Variants in TDRD10 observed in about 807,000 individuals in gnomAD.
TDRD10 encodes tudor domain containing 10.
In TDRD10, 40 loss-of-function variants were observed where a neutral mutation model predicts 48.0. The ratio of observed to expected loss-of-function variants is 0.83; its 90% CI spans 0.65 to 1.09. The LOEUF (loss-of-function observed/expected upper bound fraction) is 1.09, where lower values mean the gene tolerates loss of function less well. Ranked by LOEUF, TDRD10 falls within the 50% of genes least tolerant of loss-of-function variation. TDRD10 has a pLI of 0.00. For missense variants in TDRD10, 378 were observed against 434.7 expected (o/e 0.87, Z 1.16); for synonymous variants, 162 against 170.4 (o/e 0.95, Z 0.38).
At chr1:154,511,935 A>AGGTT (rs986241699) in intron 4 of TDRD10, among the ~76,000 whole-genome samples, 3 of 152,092 alleles carry the variant, frequency 2.0e-5, no homozygotes, top group African/African-American at 7.2e-5. Flanking sequence ...AGGCTGAGGC[A>AGGTT]CAAGAATCAC....
rs1251047657 is a variant in TDRD10, at chr1:154,536,204, C to T, written c.370-5820C>T. On this transcript the variant is annotated intron_variant, in intron 6 of 12. Coordinates refer to ENST00000368482, the MANE Select transcript of TDRD10 (RefSeq NM_182499.4). ...CAGCCTGGCCAACATGGTGAAACCC[C>T]GTCTCTACTAAAAATACAAAAATTA... is the stretch of plus-strand genomic sequence containing the variant. Among the ~76,000 whole-genome samples the T allele has an allele frequency of 2.6e-5, 4 of 152,146 alleles. No homozygotes were observed. In the East Asian group the frequency reaches 5.8e-4, roughly 22 times the overall value.
rs189019174 is a variant in TDRD10 at position 154,508,594 on chromosome 1, G to A, written c.141+113G>A. The A allele has an allele frequency of 4.7e-4, 351 of 751,182 alleles. No homozygotes were observed. In the African/African-American group the frequency reaches 5.2e-3, roughly 11 times the overall value. 46.5% of individuals were successfully genotyped at this position (751,182 alleles called of 1,614,324 possible). A position where few individuals can be genotyped will look rare whatever the true frequency, so the allele number is the denominator to read the frequency against. On this transcript the variant is annotated intron_variant, in intron 4 of 12. Transcript: ENST00000368482. The stretch of plus-strand genomic sequence containing the variant: ...TTAAAGACGTTTGAGAGCTATGATA[G>A]TGCAGACAGTCACTCGTTGGTGACT...
At chr1:154,526,201 C>G (rs1203550205) in intron 6 of TDRD10, among the ~76,000 whole-genome samples, 1 of 34,116 alleles carries the variant, frequency 2.9e-5, no homozygotes, top group Non-Finnish European at 1.1e-4. Context: ...GAGACTTCAT[C>G]TCAAAAAAAA....
intron 5 of TDRD10, 63 bp downstream of exon 5, chr1:154,520,437 C>A: frequency 7.5e-7 from 1 of 1,337,856 alleles, no homozygotes; most frequent in Non-Finnish European, 1.1e-6. Flanking sequence ...GTCCATTTTG[C>A]TGATGCACTC....
intron 6 of TDRD10, among the ~76,000 whole-genome samples, chr1:154,531,134 C>A (rs941252217): frequency 2.0e-5 from 3 of 152,168 alleles, no homozygotes; most frequent in Admixed American, 6.5e-5. Context: ...AGCCACCACG[C>A]CTGGCCTAAA....
At chr1:154,514,042 T>C (rs1693620664) in intron 4 of TDRD10, among the ~76,000 whole-genome samples, 1 of 152,046 alleles carries the variant, frequency 6.6e-6, no homozygotes, top group Non-Finnish European at 1.5e-5. Context: ...ATACAAAAAT[T>C]AGCCAGACAC....
intron 6 of TDRD10, 198 bp from the exon 7 acceptor site, chr1:154,541,826 C>A (rs902936624): frequency 2.6e-5 from 14 of 531,542 alleles, no homozygotes; most frequent in South Asian, 2.6e-4. Context: ...TGCTTCTGAT[C>A]GTCTTTTCTT....
At chr1:154,531,732 G>C (rs1327540845) in intron 6 of TDRD10, among the ~76,000 whole-genome samples, 1 of 152,088 alleles carries the variant, frequency 6.6e-6, no homozygotes, top group African/African-American at 2.4e-5. Flanking sequence ...CTGCTGGCTC[G>C]GGCAGCCTGC....
At chr1:154,541,481 G>A (rs981021231) in intron 6 of TDRD10, among the ~76,000 whole-genome samples, 4 of 152,100 alleles carry the variant, frequency 2.6e-5, no homozygotes, top group East Asian at 1.9e-4. Flanking sequence ...AGGCCTGGAT[G>A]CAGGGCAGTG....
Position 154,544,068 on chromosome 1 carries a change from C to T in TDRD10, c.609C>T (p.Ile203=), listed in dbSNP as rs368379318. The change falls in exon 9 of 13, where the codon ATC becomes ATT. Residue 203 remains isoleucine (I), a synonymous_variant. Coordinates refer to ENST00000368482, the MANE Select transcript of TDRD10 (RefSeq NM_182499.4). ...AGGCGGGGCTGCTGGTGACGAGTAT[C>T]GTCCCGAAGACCCCGTTTTTCTGGG... ...RGEAGLLVTS[I]VPKTPFFWAM... The T allele has an allele frequency of 5.0e-5, 81 of 1,614,160 alleles. No homozygotes were observed. The Middle Eastern group carries it at 8.2e-4, about 16-fold the overall frequency.
Position 154,544,375 on chromosome 1 carries a change from C to T in TDRD10, c.655C>T (p.Leu219=). 2.5e-6 allele frequency: 4 copies of T among 1,582,630 alleles called. No individual in the cohort carries two copies. Among genetic ancestry groups the T allele is most frequent in the Non-Finnish European group, 3.4e-6 (4 of 1,164,368 alleles). The change falls in exon 10 of 13, where the codon CTG becomes TTG. Residue 219 remains leucine, a synonymous_variant. Coordinates refer to ENST00000368482, the MANE Select transcript of TDRD10 (RefSeq NM_182499.4). ...FFWAMHVTEA[L]HQNMQALFST... ...CGTTGCGTTTTGCACCCCACAGGCT[C>T]TGCACCAGAACATGCAGGCTCTGTT... is the stretch of plus-strand genomic sequence containing the variant.
intron 4 of TDRD10, among the ~76,000 whole-genome samples, chr1:154,517,904 C>T (rs1223941971): frequency 2.0e-5 from 3 of 152,212 alleles, no homozygotes; most frequent in African/African-American, 7.2e-5. Flanking sequence ...CGGTCCTCAC[C>T]GCTGGACCAG....
chr1:154,546,905 A>G (rs1006808520), intron 11 of TDRD10, among the ~76,000 whole-genome samples: 5 of 152,170 alleles, frequency 3.3e-5, no homozygotes, highest in African/African-American at 1.2e-4. Flanking sequence ...AGTGTCATAC[A>G]TACAAACAGT....
At chr1:154,508,576 C>A in intron 4 of TDRD10, 95 bp downstream of exon 4, 1 of 845,100 alleles carries the variant, frequency 1.2e-6, no homozygotes, top group South Asian at 1.4e-5. Context: ...TTTTTAAAGA[C>A]GTTTGAGAGC....
Position 154,544,861 on chromosome 1 carries a change from C to T in TDRD10, c.864C>T (p.Ala288=). The T allele has an allele frequency of 6.2e-7, 1 of 1,614,194 alleles. No homozygotes were observed. The highest frequency in any genetic ancestry group is 8.5e-7 in the Non-Finnish European group (1 of 1,180,032). The change falls in exon 11 of 13, where the codon GCC becomes GCT. Residue 288 remains alanine (A), a synonymous_variant. Coordinates refer to ENST00000368482, the MANE Select transcript of TDRD10 (RefSeq NM_182499.4). The stretch of plus-strand genomic sequence containing the variant: ...TGTTCATTGATTTTGGACAGTTGGC[C>T]ACCATCCCTGTGCAGTCTCTGCGCA... ...VVMFIDFGQL[A]TIPVQSLRSL...
chr1:154,536,466 C>A (rs778745998), intron 6 of TDRD10, among the ~76,000 whole-genome samples: 2 of 152,192 alleles, frequency 1.3e-5, no homozygotes, highest in Non-Finnish European at 2.9e-5. Flanking sequence ...AGGCTTTGAG[C>A]AGGGGGTGAC....
intron 6 of TDRD10, among the ~76,000 whole-genome samples, chr1:154,537,542 G>T (rs1417947097): frequency 6.6e-6 from 1 of 152,224 alleles, no homozygotes; most frequent in African/African-American, 2.4e-5. Flanking sequence ...GGTTGGTGGA[G>T]GTGAGGGTGG....
chr1:154,542,589 A>G, intron 7 of TDRD10, 142 bp from the exon 8 acceptor site: 1 of 597,442 alleles, frequency 1.7e-6, no homozygotes, highest in Non-Finnish European at 3.0e-6. Context: ...GAGAATCTAG[A>G]GACTGAGAAG....
At chr1:154,526,221 A>G (rs1183041973) in intron 6 of TDRD10, among the ~76,000 whole-genome samples, 2 of 147,214 alleles carry the variant, frequency 1.4e-5, no homozygotes. Flanking sequence ...AAAAAAAAAG[A>G]AACTTGACAT....
Sources: gnomAD v4.1 joint callset for allele counts (sites outside exome capture counted in the v4.1 genomes callset) on GRCh38, gnomAD v4.1.1 for gene constraint, MANE v1.5 for transcripts, NCBI Gene and HGNC (gene_info 2026-07-23, HGNC 2026-07-21) for gene names.